VAV1: variants seen among roughly 807,000 people sequenced by gnomAD.
VAV1 encodes vav guanine nucleotide exchange factor 1.
In VAV1, 33 loss-of-function variants were observed where a neutral mutation model predicts 128.1. That is an observed-to-expected ratio of 0.26 (90% CI 0.20 to 0.34). The LOEUF (loss-of-function observed/expected upper bound fraction) is 0.34, where lower values mean the gene tolerates loss of function less well. Among genes scored for constraint, VAV1 ranks in the 10% least tolerant of loss-of-function variants. VAV1 has a pLI of 1.00. For missense variants in VAV1, 715 were observed against 1,093.7 expected (o/e 0.65, Z 4.88); for synonymous variants, 394 against 409.8 (o/e 0.96, Z 0.47).
intron 7 of VAV1, 78 bp downstream of exon 7, chr19:6,825,199 G>A (rs1971888093): frequency 1.5e-5 from 24 of 1,578,698 alleles, no homozygotes; most frequent in East Asian, 6.7e-5. Context: ...CCTGGAGTAC[G>A]GGGGTTGGGA....
Position 6,857,044 on chromosome 19 carries a change from C to T in VAV1, c.2485-10C>T. ...GAGGTTGCACTGATGAACTCCTCGT[C>T]TGTTTCCAGGTTGGCTGGTTCCCTG... On this transcript the variant is annotated splice_polypyrimidine_tract_variant and intron_variant, in intron 26 of 26. Transcript: ENST00000602142. 1 of 1,613,994 alleles carries T rather than the reference C, an allele frequency of 6.2e-7. No homozygotes were observed. Among genetic ancestry groups the T allele is most frequent in the Non-Finnish European group, 8.5e-7 (1 of 1,179,902 alleles).
Position 6,826,310 on chromosome 19 carries a change from C to T in VAV1, c.828-302C>T, listed in dbSNP as rs890548879. On this transcript the variant is annotated intron_variant, in intron 8 of 26. Coordinates refer to ENST00000602142, the MANE Select transcript of VAV1 (RefSeq NM_005428.4). The surrounding 1 kb of genome is among the most constrained non-coding windows in gnomAD (Gnocchi z 4.1). ...CCCAGATCACACCACTGTACTCCAG[C>T]CTGGGAGACAAGCGTGAAACCCCGT... Among the ~76,000 whole-genome samples, 2 of 151,946 alleles carry T rather than the reference C, an allele frequency of 1.3e-5. No homozygotes were observed. Among genetic ancestry groups the T allele is most frequent in the Non-Finnish European group, 2.9e-5 (2 of 67,980 alleles).
intron 23 of VAV1, 96 bp from the exon 24 acceptor site, chr19:6,850,573 TC>T: frequency 8.5e-7 from 1 of 1,174,776 alleles, no homozygotes; most frequent in Admixed American, 1.9e-5. Flanking sequence ...TAGTTACTCC[TC>T]CCTGAAGGGG....
chr19:6,848,589 T>G (rs796530886), intron 23 of VAV1, among the ~76,000 whole-genome samples: 13 of 151,592 alleles, frequency 8.6e-5, no homozygotes, highest in African/African-American at 3.1e-4. Flanking sequence ...TTTTAGTAGA[T>G]ACGGGGTTTC....
intron 1 of VAV1, among the ~76,000 whole-genome samples, chr19:6,805,211 A>T (rs1271128597): frequency 6.6e-6 from 1 of 151,700 alleles, no homozygotes; most frequent in Non-Finnish European, 1.5e-5. Flanking sequence ...GATCACCTAC[A>T]GTCAGGAGTT....
In VAV1 at chr19:6,833,559, C is replaced by T. The variant is rs527259397; in HGVS notation, c.1642C>T (p.Arg548Trp). The T allele has an allele frequency of 3.2e-5, 52 of 1,611,230 alleles. No homozygotes were observed. Among genetic ancestry groups the T allele is most frequent in the Non-Finnish European group, 4.3e-5 (51 of 1,178,180 alleles). The stretch of plus-strand genomic sequence containing the variant: ...CTTCTATCAGGGCTACCGCTGCCAT[C>T]GGTGCCGGGCATCTGCACACAAGGA... ...GTFYQGYRCHRCRASAHKECL... is the reference protein window; with the variant it reads ...GTFYQGYRCHWCRASAHKECL... Residue 548 changes from arginine to tryptophan, a missense_variant, in exon 17 of 27, where the codon CGG (arginine) becomes TGG (tryptophan). Physicochemically the swap from Arg to Trp is moderately radical, Grantham distance 101. Around this residue, in one of 3 missense-constraint regions of VAV1, gnomAD observed 407 missense variants for 580.6 expected, o/e 0.70. Transcript: ENST00000602142.
intron 1 of VAV1, among the ~76,000 whole-genome samples, chr19:6,814,729 T>TTTCCTTCC (rs1971606447): frequency 6.8e-6 from 1 of 146,176 alleles, no homozygotes; most frequent in African/African-American, 2.6e-5. Flanking sequence ...TCTTTCTTTC[T>TTTCCTTCC]TTCCTTTTTC....
chr19:6,805,510 G>A lies in VAV1; in HGVS notation c.205-15192G>A, dbSNP rs1413614455. Among the ~76,000 whole-genome samples, 4 of 151,516 alleles carry A rather than the reference G, an allele frequency of 2.6e-5. No individual in the cohort carries two copies. In the Admixed American group the frequency reaches 2.6e-4, roughly 10 times the overall value. On this transcript the variant is annotated intron_variant, in intron 1 of 26. Coordinates refer to ENST00000602142, the MANE Select transcript of VAV1 (RefSeq NM_005428.4). ...TAATCCCAGGACCTTAGGAGGCTGA[G>A]GCAGGAGGATCACTTGAGCCCAGGG...
At chr19:6,788,280 G>A (rs990245605) in intron 1 of VAV1, among the ~76,000 whole-genome samples, 8 of 151,886 alleles carry the variant, frequency 5.3e-5, no homozygotes, top group South Asian at 2.1e-4. Context: ...TGGAAAATAG[G>A]GGGGTTGGCT....
At chr19:6,794,483 C>T (rs183796044) in intron 1 of VAV1, among the ~76,000 whole-genome samples, 19 of 152,010 alleles carry the variant, frequency 1.2e-4, no homozygotes, top group Admixed American at 2.0e-4. Flanking sequence ...CAGGCCTGGG[C>T]GACACAATGA....
At chr19:6,847,180 G>A (rs199812545) in intron 22 of VAV1, among the ~76,000 whole-genome samples, 1 of 152,124 alleles carries the variant, frequency 6.6e-6, no homozygotes, top group Admixed American at 6.6e-5. Context: ...CCAAAGTGCT[G>A]GGATTACAGG....
intron 1 of VAV1, among the ~76,000 whole-genome samples, chr19:6,788,371 A>G (rs1970942560): frequency 6.9e-6 from 1 of 144,394 alleles, no homozygotes; most frequent in Admixed American, 6.9e-5. Context: ...TATTATTATT[A>G]TTATTATTAT....
intron 1 of VAV1, among the ~76,000 whole-genome samples, chr19:6,819,523 G>A (rs547140063): frequency 2.0e-5 from 3 of 152,312 alleles, no homozygotes; most frequent in East Asian, 1.9e-4. Context: ...CATCCATGTT[G>A]TAGTGTGGAA....
Position 6,833,572 on chromosome 19 carries a change from C to G in VAV1, c.1655C>G (p.Ser552Cys). 2 of 1,612,864 alleles carry G rather than the reference C, an allele frequency of 1.2e-6. No individual in the cohort carries two copies. Among genetic ancestry groups the G allele is most frequent in the Non-Finnish European group, 1.7e-6 (2 of 1,179,096 alleles). ...TACCGCTGCCATCGGTGCCGGGCATCTGCACACAAGGAGTGTCTGGGGAGG... is the reference window on the plus strand; with the variant it reads ...TACCGCTGCCATCGGTGCCGGGCATGTGCACACAAGGAGTGTCTGGGGAGG... ...QGYRCHRCRA[S>C]AHKECLGRVP... Residue 552 changes from serine to cysteine, a missense_variant, in exon 17 of 27, where the codon TCT becomes TGT. Coordinates refer to ENST00000602142, the MANE Select transcript of VAV1 (RefSeq NM_005428.4).
chr19:6,850,828 G>A, intron 24 of VAV1, 71 bp downstream of exon 24: 1 of 1,523,648 alleles, frequency 6.6e-7, no homozygotes, highest in Non-Finnish European at 9.0e-7. Context: ...CTCCGCCTTG[G>A]GACCCCCTTT....
At chr19:6,843,296 A>C (rs1972425699) in intron 22 of VAV1, 130 bp downstream of exon 22, 1 of 1,069,422 alleles carries the variant, frequency 9.4e-7, no homozygotes, top group South Asian at 1.4e-5. Flanking sequence ...TTCTGAATCT[A>C]GCTCTGGGCT....
At chr19:6,847,465 C>T (rs1798168381) in intron 22 of VAV1, among the ~76,000 whole-genome samples, 2 of 152,178 alleles carry the variant, frequency 1.3e-5, no homozygotes, top group Admixed American at 1.3e-4. Context: ...AGGCTCATCT[C>T]CATTGTAGCC....
intron 22 of VAV1, 32 bp downstream of exon 22, chr19:6,843,198 A>G: frequency 6.2e-7 from 1 of 1,613,820 alleles, no homozygotes; most frequent in Non-Finnish European, 8.5e-7. Flanking sequence ...TGTTTCAATG[A>G]GAGGTTTCTG....
intron 1 of VAV1, among the ~76,000 whole-genome samples, chr19:6,811,622 G>A (rs1008295238): frequency 1.3e-5 from 2 of 152,122 alleles, no homozygotes; most frequent in Non-Finnish European, 2.9e-5. Flanking sequence ...AGGCAAATAG[G>A]AGAGGAACTT....
Sources: gnomAD v4.1 joint callset for allele counts (sites outside exome capture counted in the v4.1 genomes callset) on GRCh38, gnomAD v4.1.1 for gene constraint, gnomAD v4.1.1 regional missense constraint, Gnocchi (gnomAD v3.1) non-coding constraint, MANE v1.5 for transcripts, NCBI Gene and HGNC (gene_info 2026-07-23, HGNC 2026-07-21) for gene names.